Variants in SQSTM1 observed in about 807,000 individuals in gnomAD.
The protein encoded by SQSTM1 is sequestosome 1, also known as sequestosome-1.
Under a neutral mutation model 45.1 loss-of-function variants are expected in SQSTM1, and 36 were observed. The observed-to-expected ratio is 0.80, with a 90% CI of 0.61 to 1.05. The LOEUF is 1.05. Ranked by LOEUF, SQSTM1 falls within the 50% of genes least tolerant of loss-of-function variation. The pLI, the probability that SQSTM1 is intolerant of heterozygous loss-of-function variation, is 0.00. For missense variants in SQSTM1, 617 were observed against 607.1 expected, an observed-to-expected ratio of 1.02 and a Z score of -0.17; for synonymous variants, 290 against 244.3, an observed-to-expected ratio of 1.19 and a Z score of -1.74.
At chr5:179,811,643 C>T (rs1029795443) in exon 2 of SQSTM1, 1 of 152,164 alleles carries the variant, frequency 6.6e-6, no homozygotes, top group African/African-American at 2.4e-5. Context: ...AGGAGAAAGT[C>T]CTACAACAGT....
At chr5:179,824,450 A>T in intron 4 of SQSTM1, 127 bp downstream of exon 4, 1 of 1,369,966 alleles carries the variant, frequency 7.3e-7, no homozygotes, top group Non-Finnish European at 1.0e-6. Flanking sequence ...CTGGTGCCCT[A>T]CAATCACACA....
At chr5:179,824,455 C>A in intron 4 of SQSTM1, 132 bp downstream of exon 4, 2 of 1,332,122 alleles carry the variant, frequency 1.5e-6, no homozygotes, top group South Asian at 1.2e-5. Context: ...GCCCTACAAT[C>A]ACACAAGAAC....
chr5:179,817,395 C>T (rs934493874), upstream of SQSTM1, among the ~76,000 whole-genome samples: 2 of 152,212 alleles, frequency 1.3e-5, no homozygotes, highest in East Asian at 3.9e-4. Flanking sequence ...GTGGCCATGT[C>T]CCCCGGCATG....
At chr5:179,826,558 G>A (rs1225370436) in intron 5 of SQSTM1, among the ~76,000 whole-genome samples, 1 of 151,880 alleles carries the variant, frequency 6.6e-6, no homozygotes, top group East Asian at 1.9e-4. Context: ...CTAGAGTTTA[G>A]AGGTGAAGTC....
Position 179,833,895 on chromosome 5 carries a change from C to A in SQSTM1, c.1165+113C>A, listed in dbSNP as rs10075090. 0.021 allele frequency: 25,273 copies of A among 1,221,682 alleles called. 1,559 individuals are homozygous for A. The highest frequency in any genetic ancestry group is 0.2 in the African/African-American group (13,705 of 67,120). The allele number at this position is 1,221,682 out of a possible 1,614,324, so 75.7% of individuals were successfully genotyped here. A position where few individuals can be genotyped will look rare whatever the true frequency, so the allele number is the denominator to read the frequency against. ...GGATGAGATGTTCTCCACTGCAGGG[C>A]TGTCTGTAGGTGTGGGAGGTTAGGA... On this transcript the variant is annotated intron_variant, in intron 7 of 7. Transcript: ENST00000389805.
chr5:179,830,518 A>G (rs939665306), intron 5 of SQSTM1, among the ~76,000 whole-genome samples: 2 of 151,776 alleles, frequency 1.3e-5, no homozygotes, highest in Non-Finnish European at 2.9e-5. Context: ...AGTAGCTGGG[A>G]CTACAGGCAT....
At position 179,824,221 on chromosome 5, in the gene SQSTM1, G is replaced by C; in HGVS notation, c.571G>C (p.Gly191Arg). 1.2e-6 allele frequency: 2 copies of C among 1,613,860 alleles called. No individual in the cohort carries two copies. The highest frequency in any genetic ancestry group is 1.1e-5 in the South Asian group (1 of 91,086). Reference sequence around the variant, plus strand: ...CCGCTGGCTCCGGAAGGTGAAACACGGACACTTCGGGTGGCCAGGATGGGA... The same window carrying C: ...CCGCTGGCTCCGGAAGGTGAAACACCGACACTTCGGGTGGCCAGGATGGGA... ...HSRWLRKVKH[G>R]HFGWPGWEMG... The change falls in exon 4 of 8, where the codon GGA (glycine) becomes CGA (arginine). Residue 191 changes from glycine (G) to arginine (R), a missense_variant. Transcript: ENST00000389805.
rs1758614173 is a variant in SQSTM1 at position 179,837,209 on chromosome 5, T to TAC, written c.*617_*618insCA. ...TAAGATCTCTTTGTAGCCATCCTGT[T>TAC]AAATTTGTAAACAATCTAATTAAAT... On this transcript the variant is annotated 3_prime_UTR_variant, in exon 8 of 8. Coordinates refer to ENST00000389805, the MANE Select transcript of SQSTM1 (RefSeq NM_003900.5). The TAC allele has an allele frequency of 1.3e-6, 2 of 1,573,712 alleles. No individual in the cohort carries two copies. Among genetic ancestry groups the TAC allele is most frequent in the Non-Finnish European group, 1.7e-6 (2 of 1,165,066 alleles).
At chr5:179,824,560 T>C in intron 4 of SQSTM1, among the ~76,000 whole-genome samples, 1 of 152,208 alleles carries the variant, frequency 6.6e-6, no homozygotes, top group Admixed American at 6.5e-5. Context: ...CAGCCCTTCC[T>C]ACCTCAGGAG....
At chr5:179,821,997 AC>A (rs1386894014) in intron 1 of SQSTM1, among the ~76,000 whole-genome samples, 14 of 152,134 alleles carry the variant, frequency 9.2e-5, no homozygotes, top group Non-Finnish European at 1.9e-4. Flanking sequence ...ATAAGGGTTC[AC>A]CCATTTAGTG....
At chr5:179,809,922 G>A (rs1320298957) in intron 1 of SQSTM1, among the ~76,000 whole-genome samples, 1 of 151,814 alleles carries the variant, frequency 6.6e-6, no homozygotes, top group Non-Finnish European at 1.5e-5. Flanking sequence ...GGGATTACAG[G>A]TGTGAGCCAC....
rs758136511 is a variant in SQSTM1, at chr5:179,821,065, C to G, written c.129C>G (p.Pro43=). The change falls in exon 1 of 8, where the codon CCC becomes CCG. Residue 43 remains proline (P), a synonymous_variant. Transcript: ENST00000389805. ...AEAEAAAGPG[P]CERLLSRVAA... The stretch of plus-strand genomic sequence containing the variant: ...CCGAGGCTGCGGCGGGTCCGGGACC[C>G]TGCGAGCGGCTGCTGAGCCGGGTGG... 9.4e-6 allele frequency: 14 copies of G among 1,488,428 alleles called. No individual in the cohort carries two copies. Among genetic ancestry groups the G allele is most frequent in the Non-Finnish European group, 5.3e-6 (6 of 1,123,372 alleles). 92.2% of individuals were successfully genotyped at this position (1,488,428 alleles called of 1,614,324 possible).
At chr5:179,811,232 CA>C (rs1329316974) in intron 1 of SQSTM1, among the ~76,000 whole-genome samples, 32 of 136,214 alleles carry the variant, frequency 2.3e-4, no homozygotes, top group Admixed American at 1.5e-4. Context: ...GACTCCGTCT[CA>C]AAAAAAAAAA....
chr5:179,814,242 CTGACATAACCA>C, upstream of SQSTM1, among the ~76,000 whole-genome samples: 1 of 152,266 alleles, frequency 6.6e-6, no homozygotes, highest in South Asian at 2.1e-4. Context: ...CTTTTCCTCC[CTGACATAACCA>C]TCCAGGAGAA....
In SQSTM1 at chr5:179,836,771, G is replaced by C. The variant is rs1157269610; in HGVS notation, c.*178G>C. The stretch of plus-strand genomic sequence containing the variant: ...AGTGACATGAAGGGAGGGTCCCTGT[G>C]TGTGTGTGTGCTGATGTTTCCTGGG... On this transcript the variant is annotated 3_prime_UTR_variant, in exon 8 of 8. Transcript: ENST00000389805. 1.1e-6 allele frequency: 1 copy of C among 928,226 alleles called. No homozygotes were observed. Among genetic ancestry groups the C allele is most frequent in the Non-Finnish European group, 1.7e-6 (1 of 591,318 alleles). The allele number at this position is 928,226 out of a possible 1,614,324, so 57.5% of individuals were successfully genotyped here.
intron 1 of SQSTM1, chr5:179,821,529 C>T (rs1476583122): frequency 8.1e-6 from 4 of 491,492 alleles, no homozygotes; most frequent in Non-Finnish European, 1.6e-5. Context: ...ACTCGGGTTA[C>T]ACTGACACCT....
At chr5:179,813,153 A>G (rs1757481149) in intron 2 of SQSTM1, 1 of 152,060 alleles carries the variant, frequency 6.6e-6, no homozygotes, top group Non-Finnish European at 1.5e-5. Flanking sequence ...TTCATAGCAA[A>G]TGTTCTGTAT....
At chr5:179,819,269 GGT>G (rs1757680276), upstream of SQSTM1, among the ~76,000 whole-genome samples, 1 of 152,184 alleles carries the variant, frequency 6.6e-6, no homozygotes. Flanking sequence ...GCCAGAGCCG[GGT>G]GTCCACCCCA....
chr5:179,823,177 C>T, intron 2 of SQSTM1, 124 bp downstream of exon 2: 1 of 924,940 alleles, frequency 1.1e-6, no homozygotes, highest in Non-Finnish European at 1.7e-6. Flanking sequence ...CTGTTTAAGA[C>T]AGAGACATAG....
Sources: gnomAD v4.1 joint callset for allele counts (sites outside exome capture counted in the v4.1 genomes callset) on GRCh38, gnomAD v4.1.1 for gene constraint, MANE v1.5 for transcripts, NCBI Gene and HGNC (gene_info 2026-07-23, HGNC 2026-07-21) for gene names.